The following PCDH15 variants were observed in gnomAD, a reference collection of about 807,000 sequenced individuals.
The protein encoded by PCDH15 is protocadherin-15.
PCDH15 carries 129 observed loss-of-function variants against 178.5 expected under a neutral mutation model. That is an observed-to-expected ratio of 0.72 (90% confidence interval 0.63 to 0.84). The LOEUF is 0.84. Among genes scored for constraint, PCDH15 ranks in the 40% least tolerant of loss-of-function variants. PCDH15 has a pLI of 0.00. For synonymous variants in PCDH15, 800 were observed against 732.0 expected (o/e 1.09, Z -1.50); for missense variants, 2,230 against 2,099.9 (o/e 1.06, Z -1.21).
chr10:54,374,861 A>G (rs1948172440), intron 4 of PCDH15, among the ~76,000 whole-genome samples: 1 of 152,012 alleles, frequency 6.6e-6, no homozygotes, highest in African/African-American at 2.4e-5. Flanking sequence ...TATTCTTTAT[A>G]TTCTTCCTCG....
chr10:53,978,662 T>G (rs1156739869), intron 21 of PCDH15, among the ~76,000 whole-genome samples: 2 of 151,306 alleles, frequency 1.3e-5, no homozygotes, highest in African/African-American at 2.5e-5. Context: ...AAAATGTTTT[T>G]TTTTTTTTTT....
intron 1 of PCDH15, among the ~76,000 whole-genome samples, chr10:54,667,912 G>A (rs374111302): frequency 9.9e-5 from 15 of 152,014 alleles, no homozygotes; most frequent in East Asian, 9.7e-4. Flanking sequence ...TCAAAATACT[G>A]GGGAAAAGTG....
chr10:54,191,950 A>G (rs909488672), intron 11 of PCDH15, among the ~76,000 whole-genome samples: 50 of 147,726 alleles, frequency 3.4e-4, no homozygotes, highest in Middle Eastern at 3.4e-3. Context: ...AAGAAAAAAA[A>G]GAAAAGAAAG....
At chr10:54,184,364 T>G (rs1203655248) in intron 12 of PCDH15, among the ~76,000 whole-genome samples, 2 of 150,158 alleles carry the variant, frequency 1.3e-5, no homozygotes, top group Non-Finnish European at 3.0e-5. Flanking sequence ...GATTCAAAAA[T>G]TGGGATATAA....
intron 2 of PCDH15, among the ~76,000 whole-genome samples, chr10:55,600,502 G>T (rs1445333330): frequency 6.6e-6 from 1 of 152,092 alleles, no homozygotes; most frequent in East Asian, 1.9e-4. Context: ...TGACCCTAGG[G>T]TTAAGAGTGC....
intron 3 of PCDH15, among the ~76,000 whole-genome samples, chr10:54,419,816 G>A (rs574354789): frequency 2.0e-5 from 3 of 152,018 alleles, no homozygotes; most frequent in Non-Finnish European, 2.9e-5. Context: ...AAAAGCAGAT[G>A]GCAGAACATG....
intron 3 of PCDH15, among the ~76,000 whole-genome samples, chr10:54,885,104 G>A (rs993839933): frequency 6.6e-6 from 1 of 151,878 alleles, no homozygotes; most frequent in East Asian, 1.9e-4. Context: ...CCCAGCAACC[G>A]ATACAATAAA....
intron 16 of PCDH15, among the ~76,000 whole-genome samples, chr10:54,085,800 C>A (rs1263680011): frequency 6.6e-6 from 1 of 151,952 alleles, no homozygotes; most frequent in Non-Finnish European, 1.5e-5. Context: ...TTCATTACTA[C>A]TAATTTTTTA....
chr10:55,005,108 G>A (rs531677859), intron 2 of PCDH15, among the ~76,000 whole-genome samples: 110 of 151,724 alleles, frequency 7.3e-4, no homozygotes, highest in Non-Finnish European at 9.3e-4. Context: ...GTGATGGTAC[G>A]TTCCTGTAGT....
chr10:54,752,512 ACAAACAAACAAAC>A (rs1566128302), intron 1 of PCDH15, among the ~76,000 whole-genome samples: 38 of 85,256 alleles, frequency 4.5e-4, no homozygotes, highest in Non-Finnish European at 7.0e-4. Flanking sequence ...AAAACAAAAA[ACAAACAAACAAAC>A]AAACAAAAAA....
intron 1 of PCDH15, among the ~76,000 whole-genome samples, chr10:54,708,568 T>C (rs1182840231): frequency 1.3e-5 from 2 of 152,196 alleles, no homozygotes; most frequent in African/African-American, 4.8e-5. Context: ...GCCATGTGAA[T>C]TTTGCAGTTA....
chr10:53,885,622 T>G (rs1056373515), intron 26 of PCDH15, among the ~76,000 whole-genome samples: 6 of 152,136 alleles, frequency 3.9e-5, no homozygotes, highest in Admixed American at 3.3e-4. Flanking sequence ...GAAAATTCTA[T>G]GCAAAAATAC....
At chr10:54,480,135 C>T (rs1165899992) in intron 3 of PCDH15, among the ~76,000 whole-genome samples, 1 of 152,036 alleles carries the variant, frequency 6.6e-6, no homozygotes, top group African/African-American at 2.4e-5. Context: ...CAAGTGATGC[C>T]ATCTTGGCCA....
intron 2 of PCDH15, among the ~76,000 whole-genome samples, chr10:55,476,658 T>A (rs1235216466): frequency 6.6e-6 from 1 of 152,026 alleles, no homozygotes; most frequent in African/African-American, 2.4e-5. Flanking sequence ...ATCAGGTGGA[T>A]TGATATATTG....
Position 54,124,120 on chromosome 10 carries a change from A to T in PCDH15, c.1917+8755T>A, listed in dbSNP as rs182410315. ...AACATCAGCATCATGTGACATACCC[A>T]TATAATAAACGTGTACATGTACCCT... On this transcript the variant is annotated intron_variant, in intron 15 of 37. Coordinates refer to ENST00000644397, the MANE Select transcript of PCDH15 (RefSeq NM_001384140.1). Among the ~76,000 whole-genome samples the T allele has an allele frequency of 5.3e-5, 8 of 152,348 alleles. No homozygotes were observed. In the East Asian group the frequency reaches 9.6e-4, roughly 18 times the overall value.
chr10:54,658,691 A>G (rs1000672503), intron 2 of PCDH15, among the ~76,000 whole-genome samples: 31 of 152,328 alleles, frequency 2.0e-4, no homozygotes, highest in African/African-American at 7.5e-4. Context: ...AAAAGCATAT[A>G]TAAGTACAAA....
chr10:53,921,938 T>C (rs914239212), intron 25 of PCDH15, among the ~76,000 whole-genome samples: 3 of 152,180 alleles, frequency 2.0e-5, no homozygotes, highest in Admixed American at 2.0e-4. Flanking sequence ...CCAAAAGACA[T>C]TATGAAATGT....
intron 11 of PCDH15, among the ~76,000 whole-genome samples, chr10:54,191,128 T>C (rs1166265331): frequency 7.2e-5 from 11 of 152,198 alleles, no homozygotes. Context: ...TTTATGAGTT[T>C]ATTGAAGAGT....
chr10:54,163,673 A>G (rs1001826037), intron 13 of PCDH15, among the ~76,000 whole-genome samples: 5 of 152,166 alleles, frequency 3.3e-5, no homozygotes, highest in African/African-American at 9.6e-5. Context: ...TTTGAAGTTC[A>G]ATAAATTAGT....
Sources: allele counts gnomAD v4.1 joint callset (sites outside exome capture counted in the v4.1 genomes callset), GRCh38; gene constraint gnomAD v4.1.1; transcripts MANE v1.5; gene names NCBI Gene and HGNC (gene_info 2026-07-23, HGNC 2026-07-21).